QTGAL: variants seen among roughly 807,000 people sequenced by gnomAD.
QTGAL encodes the protein BGnT-like protein 1.
chr17:82,966,702 T>A, the QTGAL span, among the ~76,000 whole-genome samples: 3,134 of 152,232 alleles, frequency 0.021, 122 homozygotes, highest in African/African-American at 0.071. Flanking sequence ...AGACCGGACC[T>A]CAGTGAGCTG....
the QTGAL span, among the ~76,000 whole-genome samples, chr17:82,995,691 C>T: frequency 5.3e-5 from 8 of 152,220 alleles, no homozygotes; most frequent in East Asian, 1.9e-4. Context: ...CCATCAGTAG[C>T]ATTTCTATAT....
At chr17:83,017,189 A>G in the QTGAL span, among the ~76,000 whole-genome samples, 1 of 149,818 alleles carries the variant, frequency 6.7e-6, no homozygotes, top group Non-Finnish European at 1.5e-5. Flanking sequence ...GAGGCCAGGA[A>G]GGGCAGTGGC....
the QTGAL span, among the ~76,000 whole-genome samples, chr17:82,986,367 C>A: frequency 1.3e-5 from 2 of 152,208 alleles, no homozygotes; most frequent in Non-Finnish European, 2.9e-5. Context: ...CCGTGCAATG[C>A]CAGGTGTGTT....
At chr17:83,035,414 C>T in the QTGAL span, among the ~76,000 whole-genome samples, 1 of 152,092 alleles carries the variant, frequency 6.6e-6, no homozygotes, top group Non-Finnish European at 1.5e-5. Context: ...GGTGATCTGC[C>T]CACCTCGGCC....
At chr17:83,008,127 C>T in the QTGAL span, among the ~76,000 whole-genome samples, 57 of 140,866 alleles carry the variant, frequency 4.0e-4, no homozygotes, top group African/African-American at 1.4e-3. Flanking sequence ...TGCACCGAGA[C>T]GTCAGATTCT....
the QTGAL span, chr17:82,949,597 G>A: frequency 6.6e-6 from 1 of 152,170 alleles, no homozygotes; most frequent in African/African-American, 2.4e-5. Context: ...ACAGGGAACC[G>A]GTCGGCAGAG....
the QTGAL span, among the ~76,000 whole-genome samples, chr17:83,015,325 C>T: frequency 1.3e-5 from 2 of 152,260 alleles, no homozygotes; most frequent in South Asian, 2.1e-4. This position sits in a 1 kb window ranked among gnomAD's most constrained non-coding sequence, Gnocchi z 4.4. Flanking sequence ...AAGACCCTGA[C>T]GTCTGACTAC....
chr17:82,964,567 C>CG, the QTGAL span, among the ~76,000 whole-genome samples: 1 of 136,862 alleles, frequency 7.3e-6, no homozygotes, highest in East Asian at 2.3e-4. Flanking sequence ...GACGGGGACA[C>CG]GGACGCCTGC....
At chr17:83,046,397 G>A in the QTGAL span, among the ~76,000 whole-genome samples, 11 of 152,204 alleles carry the variant, frequency 7.2e-5, no homozygotes, top group South Asian at 2.1e-4. Flanking sequence ...TCGGCCTCCC[G>A]AAGTGCCGGG....
the QTGAL span, among the ~76,000 whole-genome samples, chr17:83,045,900 C>T: frequency 4.2e-5 from 6 of 143,338 alleles, no homozygotes; most frequent in South Asian, 2.1e-4. Context: ...CAGCAGAGAT[C>T]GCGATCTCTG....
chr17:82,956,775 A>G, the QTGAL span: 10 of 1,575,238 alleles, frequency 6.3e-6, no homozygotes, highest in Admixed American at 3.7e-5. This position sits in a 1 kb window ranked among gnomAD's most constrained non-coding sequence, Gnocchi z 5.7. Context: ...CTTTCCTGAG[A>G]GTGACAGTGG....
At chr17:83,029,612 G>A in the QTGAL span, among the ~76,000 whole-genome samples, 1 of 152,138 alleles carries the variant, frequency 6.6e-6, no homozygotes, top group Admixed American at 6.6e-5. Flanking sequence ...GAGAAGTCAG[G>A]CTGGGGGGAG....
chr17:83,010,475 C>A, the QTGAL span, among the ~76,000 whole-genome samples: 6 of 152,234 alleles, frequency 3.9e-5, no homozygotes, highest in African/African-American at 1.4e-4. Flanking sequence ...CTCTCCAAGG[C>A]CCAGTCTGGC....
the QTGAL span, among the ~76,000 whole-genome samples, chr17:82,971,733 C>T: frequency 2.1e-3 from 5 of 2,326 alleles, no homozygotes; most frequent in Non-Finnish European, 3.7e-3. Context: ...GACCACACCA[C>T]ACCACAGGGG....
the QTGAL span, chr17:82,943,011 T>C: frequency 5.9e-6 from 1 of 169,052 alleles, no homozygotes; most frequent in Non-Finnish European, 1.3e-5. Context: ...GGGGGTGCTG[T>C]CCTCCCCCCT....
At chr17:82,961,077 C>CGCCT in the QTGAL span, 1 of 1,609,936 alleles carries the variant, frequency 6.2e-7, no homozygotes, top group African/African-American at 1.3e-5. Context: ...AGTGCGTGGC[C>CGCCT]GCCTGTGGGT....
chr17:82,961,409 G>C, the QTGAL span: 12 of 546,166 alleles, frequency 2.2e-5, no homozygotes, highest in African/African-American at 3.8e-5. Flanking sequence ...AGGGTGGGCT[G>C]GGTCTTGGTT....
At chr17:83,001,514 C>T in the QTGAL span, among the ~76,000 whole-genome samples, 1 of 150,564 alleles carries the variant, frequency 6.6e-6, no homozygotes, top group South Asian at 2.1e-4. Context: ...ACTTCGGCAT[C>T]CTTCAAGTCA....
the QTGAL span, among the ~76,000 whole-genome samples, chr17:82,974,997 C>T: frequency 9.1e-6 from 1 of 110,388 alleles, no homozygotes; most frequent in Non-Finnish European, 1.8e-5. Context: ...GGGACAGAGC[C>T]GGACTCCATC....
Sources: allele counts gnomAD v4.1 joint callset (sites outside exome capture counted in the v4.1 genomes callset), GRCh38; gene constraint gnomAD v4.1.1; non-coding constraint Gnocchi (gnomAD v3.1); transcripts MANE v1.5; gene names NCBI Gene and HGNC (gene_info 2026-07-23, HGNC 2026-07-21).